Variants in KANSL1L observed in about 807,000 individuals in gnomAD.
The protein encoded by KANSL1L is KAT8 regulatory NSL complex subunit 1 like.
A neutral mutation model predicts 108.6 loss-of-function variants in KANSL1L; 25 were observed. The observed-to-expected ratio is 0.23, with a 90% CI of 0.17 to 0.32. KANSL1L has a LOEUF of 0.32. Among genes scored for constraint, KANSL1L ranks in the 10% least tolerant of loss-of-function variants. The probability of loss-of-function intolerance (pLI) is 1.00; values close to 1 mark genes in which losing one functional copy is unlikely to be tolerated. For missense variants in KANSL1L, 1,137 were observed against 1,125.7 expected (o/e 1.01, Z -0.14); for synonymous variants, 405 against 395.1 (o/e 1.03, Z -0.30).
At chr2:210,102,143 G>T (rs1489618937) in intron 4 of KANSL1L, among the ~76,000 whole-genome samples, 1 of 152,136 alleles carries the variant, frequency 6.6e-6, no homozygotes, top group Non-Finnish European at 1.5e-5. Flanking sequence ...CTGTTCCACT[G>T]GTCTATATCT....
At chr2:210,156,071 AT>A in intron 1 of KANSL1L, among the ~76,000 whole-genome samples, 1 of 152,322 alleles carries the variant, frequency 6.6e-6, no homozygotes, top group Middle Eastern at 3.4e-3. Context: ...TCAGACAAAT[AT>A]TAGTTATCTA....
At chr2:210,117,234 C>T (rs895302894) in intron 3 of KANSL1L, among the ~76,000 whole-genome samples, 3 of 152,060 alleles carry the variant, frequency 2.0e-5, no homozygotes, top group African/African-American at 4.8e-5. Flanking sequence ...AGTAATAAAG[C>T]ACACCTACCA....
At chr2:210,157,394 A>G (rs1460378320) in intron 1 of KANSL1L, among the ~76,000 whole-genome samples, 3 of 152,174 alleles carry the variant, frequency 2.0e-5, no homozygotes, top group Non-Finnish European at 4.4e-5. Context: ...GAAAAGCTAA[A>G]TATAACAAGT....
intron 3 of KANSL1L, among the ~76,000 whole-genome samples, chr2:210,124,401 G>T (rs988167045): frequency 6.6e-6 from 1 of 151,846 alleles, no homozygotes; most frequent in East Asian, 1.9e-4. Context: ...ACAACCAATA[G>T]ATCAAAGTAG....
At chr2:210,071,766 G>A (rs2094509411) in intron 6 of KANSL1L, among the ~76,000 whole-genome samples, 1 of 152,148 alleles carries the variant, frequency 6.6e-6, no homozygotes, top group African/African-American at 2.4e-5. Context: ...TAGGAACCAG[G>A]AGTTAGGACA....
At chr2:210,102,135 G>C (rs1011308705) in intron 4 of KANSL1L, among the ~76,000 whole-genome samples, 1 of 152,154 alleles carries the variant, frequency 6.6e-6, no homozygotes, top group Non-Finnish European at 1.5e-5. Flanking sequence ...GCTCTGTTCT[G>C]TTCCACTGGT....
At chr2:210,088,415 A>C (rs2094659756) in intron 5 of KANSL1L, 1 of 152,278 alleles carries the variant, frequency 6.6e-6, no homozygotes, top group South Asian at 2.1e-4. Context: ...AGACATGCAT[A>C]AAAGGAAATA....
At chr2:210,119,033 A>C (rs1429812038) in intron 3 of KANSL1L, among the ~76,000 whole-genome samples, 1 of 151,710 alleles carries the variant, frequency 6.6e-6, no homozygotes, top group Non-Finnish European at 1.5e-5. Flanking sequence ...AAAATACAAA[A>C]ATTAGCTGGG....
chr2:210,088,820 TC>T (rs377304847), intron 5 of KANSL1L: 7 of 152,156 alleles, frequency 4.6e-5, no homozygotes, highest in African/African-American at 1.7e-4. Context: ...CAATATGAAA[TC>T]CTCAAACATC....
At chr2:210,071,512 A>AC (rs968448378) in intron 6 of KANSL1L, among the ~76,000 whole-genome samples, 4 of 151,196 alleles carry the variant, frequency 2.6e-5, no homozygotes, top group East Asian at 1.9e-4. Context: ...CAGGTGATCC[A>AC]CCCCCCTCGG....
chr2:210,028,899 A>G lies in KANSL1L; in HGVS notation c.2342T>C (p.Leu781Ser), dbSNP rs143543856. ...DIDNIVIPMS[L>S]VAPAKLEKLQ... ...TTTCTCTAATTTAGCTGGGGCTACT[A>G]ATGACATGGGAATCACAATGTTATC... The change falls in exon 11 of 15, where the codon TTA (leucine) becomes TCA (serine). Residue 781 changes from leucine (L) to serine (S), a missense_variant. By Grantham distance (145) the Leu-to-Ser change is moderately radical (BLOSUM62 -2). Coordinates refer to ENST00000281772, the MANE Select transcript of KANSL1L (RefSeq NM_152519.4). 1.0e-3 allele frequency: 1,640 copies of G among 1,601,930 alleles called. 3 individuals carry two copies. Among genetic ancestry groups the G allele is most frequent in the Middle Eastern group, 2.6e-3 (16 of 6,046 alleles).
intron 3 of KANSL1L, among the ~76,000 whole-genome samples, chr2:210,113,628 A>C: frequency 6.6e-6 from 1 of 152,184 alleles, no homozygotes; most frequent in Non-Finnish European, 1.5e-5. Context: ...TTAGACAAAG[A>C]CTTTAAAACA....
intron 5 of KANSL1L, among the ~76,000 whole-genome samples, chr2:210,093,642 T>C (rs910227694): frequency 2.0e-5 from 3 of 152,210 alleles, no homozygotes; most frequent in Non-Finnish European, 4.4e-5. Flanking sequence ...AGCTTTTGGC[T>C]TGGCAATTAA....
intron 2 of KANSL1L, among the ~76,000 whole-genome samples, chr2:210,146,127 C>T (rs2095264031): frequency 6.6e-6 from 1 of 152,124 alleles, no homozygotes; most frequent in Admixed American, 6.5e-5. Context: ...CTACCATTTG[C>T]CTGATACCGG....
At chr2:210,130,050 T>G (rs950159821) in intron 2 of KANSL1L, among the ~76,000 whole-genome samples, 2 of 149,162 alleles carry the variant, frequency 1.3e-5, no homozygotes, top group Non-Finnish European at 3.0e-5. Flanking sequence ...AATGACTTAA[T>G]GACAACATGT....
chr2:210,023,375 A>G (rs535609210), intron 14 of KANSL1L, among the ~76,000 whole-genome samples, 196 bp from the exon 15 acceptor site: 9 of 152,286 alleles, frequency 5.9e-5, no homozygotes, highest in African/African-American at 2.2e-4. Context: ...TTTGGGATTT[A>G]TTTCTTTACT....
intron 3 of KANSL1L, among the ~76,000 whole-genome samples, chr2:210,121,191 C>T (rs544332719): frequency 6.6e-6 from 1 of 152,244 alleles, no homozygotes; most frequent in South Asian, 2.1e-4. Flanking sequence ...AAGATACACA[C>T]ATGTGTACGT....
At chr2:210,096,614 A>T in intron 5 of KANSL1L, 1 of 985,360 alleles carries the variant, frequency 1.0e-6, no homozygotes, top group Non-Finnish European at 1.2e-6. Context: ...CAATGCTTAT[A>T]CACCAATTTG....
intron 3 of KANSL1L, among the ~76,000 whole-genome samples, chr2:210,107,655 A>C (rs1486472326): frequency 6.6e-6 from 1 of 151,634 alleles, no homozygotes; most frequent in Non-Finnish European, 1.5e-5. Context: ...CAGCCTTCCG[A>C]GTAGCTGGGA....
Sources: gnomAD v4.1 joint callset for allele counts (sites outside exome capture counted in the v4.1 genomes callset) on GRCh38, gnomAD v4.1.1 for gene constraint, MANE v1.5 for transcripts, NCBI Gene and HGNC (gene_info 2026-07-23, HGNC 2026-07-21) for gene names.